TRIM2: variants seen among roughly 807,000 people sequenced by gnomAD.
TRIM2 encodes the protein tripartite motif-containing protein 2.
A neutral mutation model predicts 75.2 loss-of-function variants in TRIM2; 20 were observed. The observed-to-expected ratio is 0.27, with a 90% CI of 0.19 to 0.39. The LOEUF (loss-of-function observed/expected upper bound fraction) is 0.39. Among genes scored for constraint, TRIM2 ranks in the 10% least tolerant of loss-of-function variants. The pLI is 1.00. For synonymous variants in TRIM2, 373 were observed against 388.3 expected, an observed-to-expected ratio of 0.96 and a Z score of 0.46; for missense variants, 660 against 990.8, an observed-to-expected ratio of 0.67 and a Z score of 4.48.
intron 1 of TRIM2, among the ~76,000 whole-genome samples, chr4:153,254,647 C>T (rs573525550): frequency 2.6e-4 from 40 of 152,332 alleles, no homozygotes; most frequent in South Asian, 1.7e-3. Context: ...GGGCCTCCCA[C>T]GGTTACCCAA....
chr4:153,216,514 G>T (rs1335043599), intron 1 of TRIM2, among the ~76,000 whole-genome samples: 1 of 152,142 alleles, frequency 6.6e-6, no homozygotes, highest in African/African-American at 2.4e-5. Context: ...GAATAAGAGG[G>T]CAGCTTGTAC....
intron 1 of TRIM2, among the ~76,000 whole-genome samples, chr4:153,187,878 C>A (rs564984122): frequency 1.3e-5 from 2 of 152,318 alleles, no homozygotes; most frequent in Non-Finnish European, 2.9e-5. Context: ...CAGCTTCAGA[C>A]GTCCGCCAAG....
At chr4:153,232,872 T>C (rs921201717) in intron 1 of TRIM2, among the ~76,000 whole-genome samples, 2 of 152,140 alleles carry the variant, frequency 1.3e-5, no homozygotes, top group Non-Finnish European at 2.9e-5. Context: ...GGTCAGCCAC[T>C]CCAGTGAGAG....
chr4:153,235,749 T>A (rs1383597789), intron 1 of TRIM2, among the ~76,000 whole-genome samples: 1 of 152,212 alleles, frequency 6.6e-6, no homozygotes, highest in East Asian at 1.9e-4. Flanking sequence ...TTGAAGAGCT[T>A]TGCAGTTTTG....
chr4:153,301,815 T>G (rs1276423013), intron 6 of TRIM2, among the ~76,000 whole-genome samples: 1 of 152,270 alleles, frequency 6.6e-6, no homozygotes, highest in South Asian at 2.1e-4. Context: ...GATTTATTTC[T>G]GAGCTCTCTA....
At chr4:153,255,341 A>G (rs958903391) in intron 1 of TRIM2, among the ~76,000 whole-genome samples, 4 of 152,212 alleles carry the variant, frequency 2.6e-5, no homozygotes, top group Non-Finnish European at 5.9e-5. Flanking sequence ...CCTTCAGAAA[A>G]CAGAGACCTG....
intron 8 of TRIM2, among the ~76,000 whole-genome samples, chr4:153,319,192 C>A (rs566546421): frequency 6.6e-6 from 1 of 152,280 alleles, no homozygotes; most frequent in African/African-American, 2.4e-5. Flanking sequence ...CATCTTATCT[C>A]CTTTTCTTTT....
chr4:153,304,978 C>A (rs548259161), intron 6 of TRIM2, among the ~76,000 whole-genome samples: 1 of 152,272 alleles, frequency 6.6e-6, no homozygotes, highest in African/African-American at 2.4e-5. Flanking sequence ...GATTAAGAAG[C>A]TTTTGCAGTA....
In TRIM2 at chr4:153,210,804, C is replaced by T. The variant is rs77298321; in HGVS notation, c.30+6244C>T. Among the ~76,000 whole-genome samples, 809 of 152,016 alleles carry T rather than the reference C, an allele frequency of 5.3e-3. 6 individuals carry two copies. The highest frequency in any genetic ancestry group is 6.8e-3 in the Middle Eastern group (2 of 294). On this transcript the variant is annotated intron_variant, in intron 1 of 11. Coordinates refer to ENST00000338700, the MANE Select transcript of TRIM2 (RefSeq NM_015271.5). ...GCACAGCATAAATATTAATGCTGGC[C>T]ATTACAAAAAGAAAATGAAAAGACC...
chr4:153,292,062 C>A (rs1383914711), intron 3 of TRIM2, among the ~76,000 whole-genome samples: 1 of 152,216 alleles, frequency 6.6e-6, no homozygotes, highest in Non-Finnish European at 1.5e-5. Context: ...GGTCCAGGAA[C>A]CCTTGTGGGT....
At chr4:153,241,519 C>A (rs1255942462) in intron 1 of TRIM2, among the ~76,000 whole-genome samples, 1 of 152,176 alleles carries the variant, frequency 6.6e-6, no homozygotes, top group East Asian at 1.9e-4. Flanking sequence ...CAGAGTGATA[C>A]ATAACAAAGG....
intron 1 of TRIM2, among the ~76,000 whole-genome samples, chr4:153,172,096 T>C (rs992006098): frequency 5.3e-5 from 8 of 151,916 alleles, no homozygotes; most frequent in African/African-American, 1.9e-4. Context: ...TGGTTATGTC[T>C]CTTGTATTTT....
chr4:153,211,752 A>T (rs544095196), intron 1 of TRIM2, among the ~76,000 whole-genome samples: 1 of 151,904 alleles, frequency 6.6e-6, no homozygotes, highest in South Asian at 2.1e-4. Flanking sequence ...GGCCTCCCAA[A>T]GTGCGGGATT....
chr4:153,249,467 GA>G (rs1750261171), intron 1 of TRIM2, among the ~76,000 whole-genome samples: 1 of 152,268 alleles, frequency 6.6e-6, no homozygotes, highest in Non-Finnish European at 1.5e-5. Context: ...GGTCAGTAGA[GA>G]GGAACATTTG....
upstream of TRIM2, among the ~76,000 whole-genome samples, chr4:153,199,755 T>C (rs1287699780): frequency 6.6e-6 from 1 of 152,048 alleles, no homozygotes; most frequent in Admixed American, 6.6e-5. Flanking sequence ...AATCCTCTTT[T>C]TATTTATTTA....
At position 153,173,311 on chromosome 4, in the gene TRIM2, A is replaced by G. The variant is rs529518911; in HGVS notation, c.-49+20041A>G. Among the ~76,000 whole-genome samples, 16 of 152,228 alleles carry G rather than the reference A, an allele frequency of 1.1e-4. No homozygotes were observed. The South Asian group carries it at 3.3e-3, about 32-fold the overall frequency. On this transcript the variant is annotated intron_variant, in intron 1 of 11. Coordinates refer to the TRIM2 transcript ENST00000437508. ...GGGTCTGGAGGATTGCTTGAGGCCAAGAGTTTGAGACCAGCCTGGCCAACA... is the reference window on the plus strand; with the variant it reads ...GGGTCTGGAGGATTGCTTGAGGCCAGGAGTTTGAGACCAGCCTGGCCAACA...
intron 1 of TRIM2, among the ~76,000 whole-genome samples, chr4:153,177,646 CAAA>C (rs1211243448): frequency 7.5e-6 from 1 of 132,868 alleles, no homozygotes; most frequent in Admixed American, 7.3e-5. Flanking sequence ...ACTCCTTCTC[CAAA>C]AAAAAAAAAA....
At chr4:153,264,264 A>G (rs565228443) in intron 1 of TRIM2, among the ~76,000 whole-genome samples, 1 of 152,272 alleles carries the variant, frequency 6.6e-6, no homozygotes, top group South Asian at 2.1e-4. Flanking sequence ...AATGTTGACC[A>G]TTTGTATTAT....
At chr4:153,174,099 A>T (rs906792557) in intron 1 of TRIM2, among the ~76,000 whole-genome samples, 3 of 32,634 alleles carry the variant, frequency 9.2e-5, no homozygotes, top group African/African-American at 2.2e-4. Context: ...GGGTGCCTGA[A>T]GTGCCCGATG....
Sources: allele counts gnomAD v4.1 joint callset (sites outside exome capture counted in the v4.1 genomes callset), GRCh38; gene constraint gnomAD v4.1.1; transcripts MANE v1.5; gene names NCBI Gene and HGNC (gene_info 2026-07-23, HGNC 2026-07-21).